GRIK4: variants seen among roughly 807,000 people sequenced by gnomAD.
GRIK4 encodes the protein glutamate receptor ionotropic, kainate 4.
A neutral mutation model predicts 104.9 loss-of-function variants in GRIK4; 40 were observed. The observed-to-expected ratio is 0.38, with a 90% CI of 0.30 to 0.50. The LOEUF (loss-of-function observed/expected upper bound fraction) is 0.50. Ranked by LOEUF, GRIK4 falls within the 20% of genes least tolerant of loss-of-function variation. The pLI is 0.93. For missense variants in GRIK4, 1,047 were observed against 1,308.1 expected (o/e 0.80, Z 3.08); for synonymous variants, 485 against 524.9 (o/e 0.92, Z 1.04).
At chr11:120,664,904 C>T (rs957067512) in intron 3 of GRIK4, among the ~76,000 whole-genome samples, 1 of 152,138 alleles carries the variant, frequency 6.6e-6, no homozygotes, top group African/African-American at 2.4e-5. Context: ...CAGGTTATTG[C>T]AGCAATTGAA....
chr11:120,542,157 A>T (rs950439559), intron 1 of GRIK4, among the ~76,000 whole-genome samples: 1 of 152,218 alleles, frequency 6.6e-6, no homozygotes, highest in African/African-American at 2.4e-5. Flanking sequence ...ATCCACACAT[A>T]TGTGGTCAAC....
intron 14 of GRIK4, among the ~76,000 whole-genome samples, chr11:120,947,965 C>A (rs1362060471): frequency 6.6e-6 from 1 of 152,136 alleles, no homozygotes; most frequent in Non-Finnish European, 1.5e-5. Context: ...GGCAACAGAC[C>A]CATCTGGGTG....
chr11:120,606,037 T>C (rs4936529), intron 1 of GRIK4, among the ~76,000 whole-genome samples: 5 of 152,048 alleles, frequency 3.3e-5, no homozygotes, highest in Admixed American at 1.3e-4. Context: ...AATGATACCC[T>C]TCAGGTGCAG....
chr11:120,927,982 G>C (rs1278308255), intron 13 of GRIK4, among the ~76,000 whole-genome samples: 1 of 152,144 alleles, frequency 6.6e-6, no homozygotes, highest in Non-Finnish European at 1.5e-5. Flanking sequence ...GGAGGCCGAG[G>C]CAGGCGGATC....
At chr11:120,699,083 G>T (rs1163853458) in intron 3 of GRIK4, among the ~76,000 whole-genome samples, 1 of 152,180 alleles carries the variant, frequency 6.6e-6, no homozygotes, top group African/African-American at 2.4e-5. Context: ...TGCATCTCTC[G>T]TGTCATATTT....
chr11:120,768,216 T>A (rs1273079097), intron 3 of GRIK4, among the ~76,000 whole-genome samples: 1 of 152,148 alleles, frequency 6.6e-6, no homozygotes, highest in African/African-American at 2.4e-5. Flanking sequence ...TTTATCTTCT[T>A]CAATTTCTCT....
chr11:120,794,500 T>A (rs1216132427), intron 3 of GRIK4, among the ~76,000 whole-genome samples: 1 of 152,082 alleles, frequency 6.6e-6, no homozygotes, highest in Non-Finnish European at 1.5e-5. Context: ...GTAAGAAAGT[T>A]AAAACGAGGT....
chr11:120,955,752 G>A (rs1406394643), intron 15 of GRIK4, among the ~76,000 whole-genome samples: 1 of 152,002 alleles, frequency 6.6e-6, no homozygotes, highest in Non-Finnish European at 1.5e-5. Context: ...TGATGTCCAG[G>A]CCCCACCTGA....
At chr11:120,937,184 G>A (rs759042825) in intron 13 of GRIK4, among the ~76,000 whole-genome samples, 5 of 151,960 alleles carry the variant, frequency 3.3e-5, no homozygotes, top group Admixed American at 1.3e-4. Context: ...GACTACAGAC[G>A]TGCACCACCA....
At chr11:120,533,431 A>G (rs755541025) in intron 1 of GRIK4, among the ~76,000 whole-genome samples, 1 of 152,180 alleles carries the variant, frequency 6.6e-6, no homozygotes, top group Non-Finnish European at 1.5e-5. Context: ...GAGCCTAGAG[A>G]TATGGGCACA....
At chr11:120,606,316 G>A (rs1340492940) in intron 1 of GRIK4, among the ~76,000 whole-genome samples, 1 of 152,174 alleles carries the variant, frequency 6.6e-6, no homozygotes, top group Admixed American at 6.5e-5. Flanking sequence ...CACTTGAGCA[G>A]CCACCCTGAC....
chr11:120,781,889 G>A (rs1952165135), intron 3 of GRIK4, among the ~76,000 whole-genome samples: 1 of 152,106 alleles, frequency 6.6e-6, no homozygotes, highest in African/African-American at 2.4e-5. Context: ...CCTGCTCCCT[G>A]TGCCTCCCTG....
At chr11:120,800,129 C>T (rs1379863550) in intron 3 of GRIK4, among the ~76,000 whole-genome samples, 2 of 151,984 alleles carry the variant, frequency 1.3e-5, no homozygotes, top group African/African-American at 4.8e-5. Context: ...GCTGGGATTA[C>T]AGGTGTGAGT....
At chr11:120,543,476 G>C (rs1948056242) in intron 1 of GRIK4, among the ~76,000 whole-genome samples, 1 of 145,086 alleles carries the variant, frequency 6.9e-6, no homozygotes, top group Non-Finnish European at 1.5e-5. Flanking sequence ...TCGGGAGGCT[G>C]AGGCAGGAGA....
At chr11:120,925,100 G>A (rs1943313949) in intron 13 of GRIK4, among the ~76,000 whole-genome samples, 2 of 152,206 alleles carry the variant, frequency 1.3e-5, no homozygotes, top group South Asian at 4.1e-4. Context: ...AGGAGCTGTA[G>A]GGGATGGGGT....
chr11:120,987,490 C>G lies in GRIK4; in HGVS notation c.*1230C>G, dbSNP rs1467842101. On this transcript the variant is annotated 3_prime_UTR_variant, in exon 21 of 21. Transcript: ENST00000527524. ...GCGCGTGTGCGTGTGTGTATTTATT[C>G]AACAGAAAGACCTTAAGTATTCAAG... 1 of 152,164 alleles carries G rather than the reference C, an allele frequency of 6.6e-6. No individual in the cohort carries two copies. Among genetic ancestry groups the G allele is most frequent in the Non-Finnish European group, 1.5e-5 (1 of 68,062 alleles). The allele number at this position is 152,164 out of a possible 1,614,324, so 9.4% of individuals were successfully genotyped here. A position where few individuals can be genotyped will look rare whatever the true frequency, so the allele number is the denominator to read the frequency against.
At chr11:120,921,536 CA>C (rs992060641) in intron 13 of GRIK4, among the ~76,000 whole-genome samples, 38 of 152,336 alleles carry the variant, frequency 2.5e-4, no homozygotes, top group African/African-American at 8.9e-4. Context: ...GTGCGTTTAG[CA>C]GGTTGGGGCT....
intron 1 of GRIK4, among the ~76,000 whole-genome samples, chr11:120,633,491 T>C (rs1019598986): frequency 6.6e-6 from 1 of 152,342 alleles, no homozygotes; most frequent in African/African-American, 2.4e-5. Flanking sequence ...GACTTAGACA[T>C]TGTCAGGACG....
intron 3 of GRIK4, among the ~76,000 whole-genome samples, chr11:120,695,538 G>A (rs767883399): frequency 1.3e-5 from 2 of 152,384 alleles, no homozygotes; most frequent in Non-Finnish European, 1.5e-5. Context: ...TTGAGGCCAC[G>A]CTTGTCAGAA....
Sources: gnomAD v4.1 joint callset for allele counts (sites outside exome capture counted in the v4.1 genomes callset) on GRCh38, gnomAD v4.1.1 for gene constraint, MANE v1.5 for transcripts, NCBI Gene and HGNC (gene_info 2026-07-23, HGNC 2026-07-21) for gene names.